Variants in MAGI1 observed in about 807,000 individuals in gnomAD.
MAGI1 encodes membrane-associated guanylate kinase, WW and PDZ domain-containing protein 1.
In MAGI1, 58 loss-of-function variants were observed where a neutral mutation model predicts 139.9. That is an observed-to-expected ratio of 0.41 (90% CI 0.34 to 0.52). MAGI1 has a LOEUF of 0.52. Ranked by LOEUF, MAGI1 falls within the 20% of genes least tolerant of loss-of-function variation. The pLI is 0.12. For synonymous variants in MAGI1, 812 were observed against 737.9 expected, an observed-to-expected ratio of 1.10 and a Z score of -1.63; for missense variants, 1,874 against 1,901.6, an observed-to-expected ratio of 0.99 and a Z score of 0.27.
rs993410966 is a variant in MAGI1, at chr3:65,583,247, G to A, written c.430+38725C>T. On this transcript the variant is annotated intron_variant, in intron 2 of 22. Coordinates refer to ENST00000402939, the MANE Select transcript of MAGI1 (RefSeq NM_001033057.2). ...GCACCTTCTCTCCCAAGTTGTTATT[G>A]CTGCTCTTAGATTTACACTATTTAA... is the stretch of plus-strand genomic sequence containing the variant. 3.9e-5 allele frequency among the ~76,000 whole-genome samples: 6 copies of A among 152,164 alleles called. No homozygotes were observed. In the East Asian group the frequency reaches 5.8e-4, roughly 15 times the overall value.
intron 13 of MAGI1, among the ~76,000 whole-genome samples, chr3:65,397,602 A>C (rs1944494640): frequency 6.6e-6 from 1 of 151,934 alleles, no homozygotes; most frequent in South Asian, 2.1e-4. Flanking sequence ...TTCATCTGAC[A>C]ATAATAGCTA....
chr3:65,756,622 T>C (rs937232975), intron 1 of MAGI1, among the ~76,000 whole-genome samples: 2 of 152,170 alleles, frequency 1.3e-5, no homozygotes, highest in Admixed American at 6.5e-5. Flanking sequence ...TCCTGAGATA[T>C]GTCCTTTGCC....
chr3:65,631,536 T>C (rs566782464), intron 1 of MAGI1, among the ~76,000 whole-genome samples: 2 of 152,318 alleles, frequency 1.3e-5, no homozygotes, highest in African/African-American at 2.4e-5. Flanking sequence ...AATCTATCTG[T>C]GTACTTCTGA....
chr3:65,692,450 C>A (rs2088763989), intron 1 of MAGI1, among the ~76,000 whole-genome samples: 1 of 152,112 alleles, frequency 6.6e-6, no homozygotes, highest in African/African-American at 2.4e-5. Context: ...AAGTCCTAGC[C>A]CTGAGTCCCT....
At chr3:65,796,606 TG>T (rs1329594588) in intron 1 of MAGI1, among the ~76,000 whole-genome samples, 1 of 152,220 alleles carries the variant, frequency 6.6e-6, no homozygotes, top group Non-Finnish European at 1.5e-5. Flanking sequence ...AGTTTTGCCA[TG>T]AAATAAAATT....
rs2106666942 is a variant in MAGI1 at position 65,354,784 on chromosome 3, T to C, written c.*1594A>G. ...CTAAATTTTGTCATAAATTCTCTTTTATACAAGAAAAAAAGGCAACAGTTG... is the reference window on the plus strand; with the variant it reads ...CTAAATTTTGTCATAAATTCTCTTTCATACAAGAAAAAAAGGCAACAGTTG... On this transcript the variant is annotated 3_prime_UTR_variant, in exon 23 of 23. Transcript: ENST00000402939. 6.5e-6 allele frequency: 1 copy of C among 152,702 alleles called. No individual in the cohort carries two copies. Among genetic ancestry groups the C allele is most frequent in the African/African-American group, 2.4e-5 (1 of 41,568 alleles). 9.5% of individuals were successfully genotyped at this position (152,702 alleles called of 1,614,324 possible). A position where few individuals can be genotyped will look rare whatever the true frequency, so the allele number is the denominator to read the frequency against.
Position 65,430,261 on chromosome 3 carries a change from G to A in MAGI1, c.1547-121C>T, listed in dbSNP as rs1947354486. The A allele has an allele frequency of 2.6e-5, 25 of 952,144 alleles. 1 individual carries two copies. The highest frequency in any genetic ancestry group is 6.8e-5 in the South Asian group (4 of 58,978). 59.0% of individuals were successfully genotyped at this position (952,144 alleles called of 1,614,324 possible). A position where few individuals can be genotyped will look rare whatever the true frequency, so the allele number is the denominator to read the frequency against. On this transcript the variant is annotated intron_variant, in intron 11 of 22. Transcript: ENST00000402939. ...ACTGCATGTGGGTGTGATACTATAG[G>A]GTATAAAGTGCTTCTATTACTGATT... is the stretch of plus-strand genomic sequence containing the variant.
At chr3:65,459,356 T>C (rs1351664757) in intron 5 of MAGI1, among the ~76,000 whole-genome samples, 1 of 152,206 alleles carries the variant, frequency 6.6e-6, no homozygotes. Context: ...GGTATATTGA[T>C]AGGGATTGCA....
intron 1 of MAGI1, among the ~76,000 whole-genome samples, chr3:65,969,589 G>A (rs2064926193): frequency 6.6e-6 from 1 of 152,156 alleles, no homozygotes; most frequent in Non-Finnish European, 1.5e-5. Flanking sequence ...AATAACTAGA[G>A]CACGCTTGCA....
chr3:65,815,896 C>T (rs1281036440), intron 1 of MAGI1, among the ~76,000 whole-genome samples: 1 of 152,112 alleles, frequency 6.6e-6, no homozygotes. Flanking sequence ...AGAACTGACT[C>T]CCCAACGCAG....
intron 4 of MAGI1, among the ~76,000 whole-genome samples, chr3:65,475,035 C>T (rs1950800792): frequency 1.3e-5 from 2 of 151,944 alleles, no homozygotes; most frequent in Non-Finnish European, 2.9e-5. Context: ...CAAAGCAATG[C>T]TTTATCACTC....
chr3:65,553,442 G>A lies in MAGI1; in HGVS notation c.431-59811C>T, dbSNP rs552007719. 5.9e-5 allele frequency among the ~76,000 whole-genome samples: 9 copies of A among 152,098 alleles called. No individual in the cohort carries two copies. In the South Asian group the frequency reaches 8.3e-4, roughly 14 times the overall value. ...AAAAATTTTTTTAATATAACATCCC[G>A]TCTCCTTTATTCAGTCAACACATTT... On this transcript the variant is annotated intron_variant, in intron 2 of 22. Coordinates refer to ENST00000402939, the MANE Select transcript of MAGI1 (RefSeq NM_001033057.2).
intron 1 of MAGI1, among the ~76,000 whole-genome samples, chr3:65,912,433 G>A (rs900066782): frequency 3.9e-5 from 6 of 152,138 alleles, no homozygotes; most frequent in Admixed American, 1.3e-4. Flanking sequence ...GGATCATTAC[G>A]ATTCAGGGAT....
intron 1 of MAGI1, among the ~76,000 whole-genome samples, chr3:65,985,826 G>A (rs1324137478): frequency 2.0e-5 from 3 of 152,190 alleles, no homozygotes; most frequent in East Asian, 1.9e-4. Flanking sequence ...GAAAAGGATA[G>A]TGAGTGGCAC....
intron 1 of MAGI1, among the ~76,000 whole-genome samples, chr3:65,951,020 GAAGGAAGGAAGGAAGGA>G (rs2063826425): frequency 1.7e-5 from 2 of 116,432 alleles, no homozygotes; most frequent in Non-Finnish European, 4.0e-5. Context: ...AGGAAGGAAG[GAAGGAAGGAAGGAAGGA>G]AAGGAGGGAG....
chr3:65,408,853 C>CTAG (rs1256942124), intron 12 of MAGI1, among the ~76,000 whole-genome samples: 6 of 152,172 alleles, frequency 3.9e-5, no homozygotes, highest in Non-Finnish European at 5.9e-5. Context: ...TGCTGACAGC[C>CTAG]TAGGAACTGG....
intron 1 of MAGI1, among the ~76,000 whole-genome samples, chr3:65,910,855 CTTTT>C (rs397989928): frequency 1.0e-4 from 6 of 59,484 alleles, no homozygotes; most frequent in East Asian, 7.5e-4. Context: ...ACATGGTGGA[CTTTT>C]TTTTTTTTTT....
intron 2 of MAGI1, among the ~76,000 whole-genome samples, chr3:65,528,379 A>C (rs995869340): frequency 7.9e-5 from 12 of 152,202 alleles, no homozygotes; most frequent in Non-Finnish European, 1.6e-4. Flanking sequence ...TCCTTCATTC[A>C]TTCATGGAAG....
chr3:65,694,415 G>C (rs972955757), intron 1 of MAGI1, among the ~76,000 whole-genome samples: 3 of 151,008 alleles, frequency 2.0e-5, no homozygotes, highest in East Asian at 2.0e-4. Context: ...ATGTGCTTTG[G>C]AATATGCCTG....
Sources: gnomAD v4.1 joint callset for allele counts (sites outside exome capture counted in the v4.1 genomes callset) on GRCh38, gnomAD v4.1.1 for gene constraint, MANE v1.5 for transcripts, NCBI Gene and HGNC (gene_info 2026-07-23, HGNC 2026-07-21) for gene names.